The following ATP12A variants were observed in gnomAD, a reference collection of about 807,000 sequenced individuals.
ATP12A encodes the protein ATPase H+/K+ transporting non-gastric alpha2 subunit.
Under a neutral mutation model 111.2 loss-of-function variants are expected in ATP12A, and 81 were observed. The observed-to-expected ratio is 0.73, with a 90% CI of 0.61 to 0.88. The LOEUF (loss-of-function observed/expected upper bound fraction) is 0.88, where lower values mean the gene tolerates loss of function less well. Among genes scored for constraint, ATP12A ranks in the 40% least tolerant of loss-of-function variants. ATP12A has a pLI of 0.00. For synonymous variants in ATP12A, 498 were observed against 499.8 expected (o/e 1.00, Z 0.05); for missense variants, 1,196 against 1,313.1 (o/e 0.91, Z 1.38).
Position 24,689,378 on chromosome 13 carries a change from G to T in ATP12A, c.546+3G>T. On this transcript the variant is annotated splice_donor_region_variant and intron_variant, in intron 5 of 22. Coordinates refer to ENST00000381946, the MANE Select transcript of ATP12A (RefSeq NM_001676.7). ...GCTTCAATAAGATGATCCCTCAGGT[G>T]AGTGGCAGCCACCTATCCTCTGGCC... 1 of 1,612,746 alleles carries T rather than the reference G, an allele frequency of 6.2e-7. No individual in the cohort carries two copies. Among genetic ancestry groups the T allele is most frequent in the Non-Finnish European group, 8.5e-7 (1 of 1,178,832 alleles).
chr13:24,706,250 G>A (rs1202575097), intron 14 of ATP12A, 63 bp from the exon 15 acceptor site: 5 of 1,579,996 alleles, frequency 3.2e-6, no homozygotes, highest in African/African-American at 1.3e-5. Context: ...CATCCTGCCT[G>A]GAACAGTGTT....
At position 24,711,830 on chromosome 13, in the gene ATP12A, T is replaced by A; in HGVS notation, c.*308T>A. 2.3e-6 allele frequency: 1 copy of A among 430,088 alleles called. No homozygotes were observed. The allele number at this position is 430,088 out of a possible 1,614,324, so 26.6% of individuals were successfully genotyped here. Reference sequence around the variant, plus strand: ...TGAAACTCCTTGATGTTAATAGTCTTGTGTAACCCAGGCATCTACTGGGGC... The same window carrying A: ...TGAAACTCCTTGATGTTAATAGTCTAGTGTAACCCAGGCATCTACTGGGGC... On this transcript the variant is annotated 3_prime_UTR_variant, in exon 23 of 23. Coordinates refer to ENST00000381946, the MANE Select transcript of ATP12A (RefSeq NM_001676.7).
chr13:24,708,836 GAA>G (rs1221413644), intron 17 of ATP12A, among the ~76,000 whole-genome samples: 9 of 147,108 alleles, frequency 6.1e-5, no homozygotes, highest in African/African-American at 1.7e-4. Context: ...AAGAGAGAAA[GAA>G]AGAGAGAAAG....
intron 13 of ATP12A, 148 bp downstream of exon 13, chr13:24,701,070 T>C: frequency 1.1e-6 from 1 of 951,450 alleles, no homozygotes; most frequent in Non-Finnish European, 1.5e-6. Flanking sequence ...TGTGCTAAGG[T>C]TACTGAAACT....
chr13:24,683,238 G>A (rs1215278993), intron 2 of ATP12A, among the ~76,000 whole-genome samples: 6 of 152,304 alleles, frequency 3.9e-5, no homozygotes, highest in South Asian at 2.1e-4. Flanking sequence ...GATTACAGGC[G>A]TGAGCCACTG....
In ATP12A at chr13:24,685,368, A is replaced by T; in HGVS notation, c.223A>T (p.Ile75Phe). ...GGAAGAGAAATATGGCACAGACATC[A>T]TTATGGTGAGTCGTGGGAACCAGGG... ...ELEEKYGTDI[I>F]MGLSSTRAAE... The change falls in exon 3 of 23, where the codon ATT (isoleucine) becomes TTT (phenylalanine). Residue 75 changes from isoleucine to phenylalanine, a missense_variant. Coordinates refer to ENST00000381946, the MANE Select transcript of ATP12A (RefSeq NM_001676.7). This position sits in a 1 kb window ranked among gnomAD's most constrained non-coding sequence, Gnocchi z 5.5. The T allele has an allele frequency of 6.2e-7, 1 of 1,614,102 alleles. No individual in the cohort carries two copies. Among genetic ancestry groups the T allele is most frequent in the Non-Finnish European group, 8.5e-7 (1 of 1,179,944 alleles).
At chr13:24,706,532 G>C (rs1413537387) in intron 15 of ATP12A, 69 bp downstream of exon 15, 2 of 1,561,958 alleles carry the variant, frequency 1.3e-6, no homozygotes, top group East Asian at 4.5e-5. Context: ...CAGAGGTCTG[G>C]ATCTCACATC....
intron 19 of ATP12A, 104 bp from the exon 20 acceptor site, chr13:24,710,356 G>T: frequency 7.1e-7 from 1 of 1,407,062 alleles, no homozygotes; most frequent in East Asian, 2.3e-5. Context: ...TTCTCAGTCC[G>T]GGTGAGGTGT....
chr13:24,710,042 T>TA (rs1345440760), intron 19 of ATP12A, among the ~76,000 whole-genome samples: 1 of 152,216 alleles, frequency 6.6e-6, no homozygotes, highest in Non-Finnish European at 1.5e-5. Context: ...TCCCTTTTTT[T>TA]ACCTTAGCTT....
At position 24,692,792 on chromosome 13, in the gene ATP12A, G is replaced by A; in HGVS notation, c.1273G>A (p.Val425Ile). ...GTTCTTTCTCTGTCTTCCAGACCAA[G>A]TCTTTGACCAAAGCTCTAGGACTTG... ...ADTSEDHSNQ[V>I]FDQSSRTWAS... The change falls in exon 10 of 23, where the codon GTC becomes ATC. Residue 425 changes from valine (V) to isoleucine (I), a missense_variant. Transcript: ENST00000381946. 2 of 1,614,114 alleles carry A rather than the reference G, an allele frequency of 1.2e-6. No individual in the cohort carries two copies. Among genetic ancestry groups the A allele is most frequent in the Non-Finnish European group, 1.7e-6 (2 of 1,179,964 alleles).
rs1253214234 is a variant in ATP12A at position 24,691,204 on chromosome 13, G to T, written c.1022G>T (p.Gly341Val). ...CTGGACTCCATCATCTTCCTCATTG[G>T]CATCATTGTGGCCAATGTGCCCGAG... ...QVLDSIIFLI[G>V]IIVANVPEGL... Residue 341 changes from glycine (G) to valine (V), a missense_variant, in exon 8 of 23, where the codon GGC (glycine) becomes GTC (valine). Gly to Val is a moderately radical substitution (Grantham distance 109, BLOSUM62 -3). This residue lies in a region of ATP12A where 1,126 missense variants were observed against 1,228.5 expected (regional missense o/e 0.92). Coordinates refer to ENST00000381946, the MANE Select transcript of ATP12A (RefSeq NM_001676.7). 11 of 1,613,958 alleles carry T rather than the reference G, an allele frequency of 6.8e-6. No individual in the cohort carries two copies. The highest frequency in any genetic ancestry group is 9.3e-6 in the Non-Finnish European group (11 of 1,179,964).
At chr13:24,680,863 TC>T in intron 1 of ATP12A, 111 bp downstream of exon 1, 5 of 1,374,002 alleles carry the variant, frequency 3.6e-6, no homozygotes, top group Non-Finnish European at 4.7e-6. Flanking sequence ...AAACGCCCCG[TC>T]CCGGGGCAAG....
At chr13:24,706,722 A>G (rs1875664993) in intron 15 of ATP12A, among the ~76,000 whole-genome samples, 1 of 152,334 alleles carries the variant, frequency 6.6e-6, no homozygotes, top group Admixed American at 6.5e-5. Flanking sequence ...AGCATTTGCC[A>G]CTGTGGTAGT....
rs1875993737 is a variant in ATP12A at position 24,711,954 on chromosome 13, T to C, written c.*432T>C. On this transcript the variant is annotated 3_prime_UTR_variant, in exon 23 of 23. Coordinates refer to ENST00000381946, the MANE Select transcript of ATP12A (RefSeq NM_001676.7). ...GATTTCTGCAGATCCCCTGAGAAGG[T>C]ATGTTTTCATGGTCTCCTTGCTCGA... The C allele has an allele frequency of 9.8e-6, 2 of 203,774 alleles. No individual in the cohort carries two copies. Among genetic ancestry groups the C allele is most frequent in the Non-Finnish European group, 2.0e-5 (2 of 100,222 alleles). 12.6% of individuals were successfully genotyped at this position (203,774 alleles called of 1,614,324 possible). A position where few individuals can be genotyped will look rare whatever the true frequency, so the allele number is the denominator to read the frequency against.
chr13:24,694,422 A>G (rs761464420), intron 10 of ATP12A, 22 bp from the exon 11 acceptor site: 40 of 1,611,260 alleles, frequency 2.5e-5, no homozygotes, highest in Non-Finnish European at 3.4e-5. Context: ...TGCTGCAAAT[A>G]TTTTTCTTCT....
rs757041873 is a variant in ATP12A at position 24,698,763 on chromosome 13, G to A, written c.1618G>A (p.Gly540Ser). Residue 540 changes from glycine to serine, a missense_variant, in exon 12 of 23, where the codon GGC becomes AGC. Transcript: ENST00000381946. Reference protein sequence around the residue: ...LEKCSTIMINGEEHPLDKSTA... With the variant: ...LEKCSTIMINSEEHPLDKSTA... ...GAAATGCAGCACCATCATGATCAAC[G>A]GCGAGGAGCACCCACTGGACAAGAG... 6.2e-6 allele frequency: 10 copies of A among 1,613,916 alleles called. No homozygotes were observed. Among genetic ancestry groups the A allele is most frequent in the African/African-American group, 1.3e-5 (1 of 74,908 alleles).
intron 12 of ATP12A, 57 bp downstream of exon 12, chr13:24,698,907 C>T (rs1875283325): frequency 7.6e-6 from 12 of 1,582,466 alleles, no homozygotes; most frequent in East Asian, 2.2e-5. Flanking sequence ...ATGAGGCAGG[C>T]GCCTTGAGGA....
At position 24,709,668 on chromosome 13, in the gene ATP12A, C is replaced by G. The variant is rs1566078754; in HGVS notation, c.2618-15C>G. ...CCATCATAGAACCTGTGTCCTATCT[C>G]TCTTGTTCTTTCAGGCCTCATGCAA... On this transcript the variant is annotated splice_polypyrimidine_tract_variant and intron_variant, in intron 18 of 22. Transcript: ENST00000381946. 1.2e-6 allele frequency: 2 copies of G among 1,613,924 alleles called. No homozygotes were observed. The highest frequency in any genetic ancestry group is 2.2e-5 in the East Asian group (1 of 44,858).
At chr13:24,711,450 C>G (rs769490594) in intron 22 of ATP12A, 41 bp downstream of exon 22, 27 of 1,613,986 alleles carry the variant, frequency 1.7e-5, no homozygotes, top group Non-Finnish European at 1.1e-5. Flanking sequence ...TTACCCACTT[C>G]AACAGACTCT....
Sources: gnomAD v4.1 joint callset for allele counts (sites outside exome capture counted in the v4.1 genomes callset) on GRCh38, gnomAD v4.1.1 for gene constraint, gnomAD v4.1.1 regional missense constraint, Gnocchi (gnomAD v3.1) non-coding constraint, MANE v1.5 for transcripts, NCBI Gene and HGNC (gene_info 2026-07-23, HGNC 2026-07-21) for gene names.